The following OPN3 variants were observed in gnomAD, a reference collection of about 807,000 sequenced individuals.
OPN3 encodes opsin-3.
In OPN3, 29 loss-of-function variants were observed where a neutral mutation model predicts 33.8. The ratio of observed to expected loss-of-function variants is 0.86; its 90% CI spans 0.64 to 1.17. The LOEUF is 1.17. Among genes scored for constraint, OPN3 ranks in the 50% most tolerant of loss-of-function variants. The pLI, the probability that OPN3 is intolerant of heterozygous loss-of-function variation, is 0.00. For synonymous variants in OPN3, 216 were observed against 216.1 expected (o/e 1.00, Z 0.00); for missense variants, 437 against 514.1 (o/e 0.85, Z 1.45).
intron 1 of OPN3, among the ~76,000 whole-genome samples, chr1:241,636,670 T>C (rs1265598267): frequency 6.6e-6 from 1 of 152,202 alleles, no homozygotes; most frequent in East Asian, 1.9e-4. Flanking sequence ...AGGCTCATAA[T>C]AGCCCTGAGG....
At chr1:241,616,135 C>T (rs1415420476) in intron 1 of OPN3, among the ~76,000 whole-genome samples, 1 of 152,072 alleles carries the variant, frequency 6.6e-6, no homozygotes, top group African/African-American at 2.4e-5. Flanking sequence ...GTGGTGCATC[C>T]TCTCTCTAAG....
At chr1:241,629,800 T>C (rs1394360459) in intron 1 of OPN3, 2 of 152,122 alleles carry the variant, frequency 1.3e-5, no homozygotes, top group South Asian at 4.1e-4. Flanking sequence ...CAGTTATTAA[T>C]ATTTCTTTCT....
chr1:241,638,774 G>A (rs766671775), intron 1 of OPN3, among the ~76,000 whole-genome samples: 11 of 152,098 alleles, frequency 7.2e-5, no homozygotes, highest in Non-Finnish European at 1.5e-4. Flanking sequence ...GCCAAAAAAT[G>A]AATCATTACA....
chr1:241,604,498 G>A lies in OPN3; in HGVS notation c.455C>T (p.Ser152Phe). 1 of 1,614,132 alleles carries A rather than the reference G, an allele frequency of 6.2e-7. No individual in the cohort carries two copies. Among genetic ancestry groups the A allele is most frequent in the Non-Finnish European group, 8.5e-7 (1 of 1,180,026 alleles). Reference sequence around the variant, plus strand: ...GTAGGTAATGGCCCTCCAGGCCCAGGAAAAATTGATCACTCTGGCATGGAC... The same window carrying A: ...GTAGGTAATGGCCCTCCAGGCCCAGAAAAAATTGATCACTCTGGCATGGAC... ...RVVHARVINF[S>F]WAWRAITYIW... Residue 152 changes from serine to phenylalanine, a missense_variant, in exon 2 of 4, where the codon TCC becomes TTC. Physicochemically the swap from Ser to Phe is radical, Grantham distance 155. Coordinates refer to ENST00000366554, the MANE Select transcript of OPN3 (RefSeq NM_014322.3).
intron 1 of OPN3, among the ~76,000 whole-genome samples, chr1:241,624,971 CAT>C (rs2148015694): frequency 6.6e-6 from 1 of 152,318 alleles, no homozygotes. Context: ...ATGAGGATAA[CAT>C]AAAATAAATA....
intron 1 of OPN3, chr1:241,635,137 A>G: frequency 6.2e-7 from 1 of 1,612,822 alleles, no homozygotes; most frequent in South Asian, 1.1e-5. Flanking sequence ...TAATTGGTTC[A>G]TCGGCCTTAT....
At chr1:241,618,631 C>T (rs115974721) in intron 1 of OPN3, among the ~76,000 whole-genome samples, 4,211 of 152,212 alleles carry the variant, frequency 0.028, 179 homozygotes, top group African/African-American at 0.095. Flanking sequence ...TGATGGATTC[C>T]GCAGCCAGCC....
At chr1:241,605,526 C>T (rs915092358) in intron 1 of OPN3, among the ~76,000 whole-genome samples, 5 of 152,222 alleles carry the variant, frequency 3.3e-5, no homozygotes, top group African/African-American at 1.2e-4. Flanking sequence ...GAGTAAGGTA[C>T]TCACTTAACA....
chr1:241,633,664 T>TA, intron 1 of OPN3: 1 of 907,676 alleles, frequency 1.1e-6, no homozygotes, highest in Non-Finnish European at 1.7e-6. Context: ...GTCTGAGAGT[T>TA]AAAGACAACA....
At chr1:241,635,205 T>A in intron 1 of OPN3, 1 of 1,613,272 alleles carries the variant, frequency 6.2e-7, no homozygotes. Flanking sequence ...ACTGTGTGCA[T>A]ACAAGTTTTA....
Position 241,604,393 on chromosome 1 carries a change from C to G in OPN3, c.560G>C (p.Gly187Ala), listed in dbSNP as rs151331912. Reference protein sequence around the residue: ...NRYILDVHGLGCTVDWKSKDA... With the variant: ...NRYILDVHGLACTVDWKSKDA... ...CTTGGATTTCCAGTCCACAGTGCAGCCTAGTCCGTGTACGTCCAGGATGTA... is the reference window on the plus strand; with the variant it reads ...CTTGGATTTCCAGTCCACAGTGCAGGCTAGTCCGTGTACGTCCAGGATGTA... Residue 187 changes from glycine to alanine, a missense_variant, in exon 2 of 4, where the codon GGC becomes GCC. Coordinates refer to ENST00000366554, the MANE Select transcript of OPN3 (RefSeq NM_014322.3). 5 of 1,614,158 alleles carry G rather than the reference C, an allele frequency of 3.1e-6. No homozygotes were observed. The highest frequency in any genetic ancestry group is 4.2e-6 in the Non-Finnish European group (5 of 1,180,048).
At position 241,593,688 on chromosome 1, in the gene OPN3, G is replaced by C. The variant is rs1663400772; in HGVS notation, c.*740C>G. 1 of 166,244 alleles carries C rather than the reference G, an allele frequency of 6.0e-6. No individual in the cohort carries two copies. The highest frequency in any genetic ancestry group is 1.6e-4 in the East Asian group (1 of 6,360). 10.3% of individuals were successfully genotyped at this position (166,244 alleles called of 1,614,324 possible). A position where few individuals can be genotyped will look rare whatever the true frequency, so the allele number is the denominator to read the frequency against. ...TACAGGGGAATGAGCAAATCTCAAA[G>C]AGCTGGCGTCTTAGAACTCCCTGGC... On this transcript the variant is annotated 3_prime_UTR_variant, in exon 4 of 4. Coordinates refer to ENST00000366554, the MANE Select transcript of OPN3 (RefSeq NM_014322.3).
In OPN3 at chr1:241,634,726, T is replaced by C. The variant is rs376777621; in HGVS notation, c.373+5156A>G. 9.3e-6 allele frequency: 15 copies of C among 1,613,920 alleles called. No individual in the cohort carries two copies. The African/African-American group carries it at 1.9e-4, about 20-fold the overall frequency. On this transcript the variant is annotated intron_variant, in intron 1 of 3. Transcript: ENST00000366554. ...CATCTATTGTAGTGCAAGATGATTC[T>C]GATGTCATTGCAATTGAGTGCAGTA...
intron 1 of OPN3, among the ~76,000 whole-genome samples, chr1:241,639,558 G>T (rs904604081): frequency 5.9e-5 from 9 of 151,866 alleles, no homozygotes; most frequent in Non-Finnish European, 1.3e-4. Context: ...GCCTTGTTGA[G>T]TGATCTTAGG....
chr1:241,627,649 G>C (rs926739283), intron 1 of OPN3, among the ~76,000 whole-genome samples: 5 of 152,142 alleles, frequency 3.3e-5, no homozygotes, highest in Non-Finnish European at 5.9e-5. Flanking sequence ...TGTACTGTTC[G>C]TGCCTTACAG....
intron 1 of OPN3, among the ~76,000 whole-genome samples, chr1:241,619,999 C>T (rs6658817): frequency 0.29 from 44,394 of 151,384 alleles, 6,741 homozygotes; most frequent in Admixed American, 0.43. Context: ...TACAAAATTG[C>T]GTATTTGAAA....
At position 241,640,163 on chromosome 1, in the gene OPN3, CTCAG is replaced by C; in HGVS notation, c.88_91del (p.Leu30AlafsTer73). The C allele has an allele frequency of 6.8e-7, 1 of 1,477,456 alleles. No homozygotes were observed. Among genetic ancestry groups the C allele is most frequent in the South Asian group, 1.3e-5 (1 of 74,440 alleles). The allele number at this position is 1,477,456 out of a possible 1,614,324, so 91.5% of individuals were successfully genotyped here. ...GCCGGGGCTGAAGAGGGGCGCGGGG[CTCAG>C]TGTCCCCGCCGGCGCCGGCCCCTCA... On this transcript the variant is annotated frameshift_variant, in exon 1 of 4. Transcript: ENST00000366554. LOFTEE classifies it high-confidence loss of function.
At chr1:241,599,316 A>T (rs1663620291) in intron 2 of OPN3, among the ~76,000 whole-genome samples, 1 of 152,102 alleles carries the variant, frequency 6.6e-6, no homozygotes, top group Admixed American at 6.5e-5. Flanking sequence ...TTTAAAGGTA[A>T]ATAATATTCC....
At chr1:241,624,777 C>G (rs189908504) in intron 1 of OPN3, among the ~76,000 whole-genome samples, 1 of 152,312 alleles carries the variant, frequency 6.6e-6, no homozygotes, top group Admixed American at 6.5e-5. Flanking sequence ...TCTGAAGGCA[C>G]CACATCACAT....
Sources: allele counts gnomAD v4.1 joint callset (sites outside exome capture counted in the v4.1 genomes callset), GRCh38; gene constraint gnomAD v4.1.1; transcripts MANE v1.5; gene names NCBI Gene and HGNC (gene_info 2026-07-23, HGNC 2026-07-21).